The following PAN3 variants were observed in gnomAD, a reference collection of about 807,000 sequenced individuals.
PAN3 encodes the protein poly(A) specific ribonuclease subunit PAN3.
PAN3 carries 19 observed loss-of-function variants against 96.2 expected under a neutral mutation model. The ratio of observed to expected loss-of-function variants is 0.20; its 90% CI spans 0.14 to 0.29. PAN3 has a LOEUF of 0.29. Ranked by LOEUF, PAN3 falls within the 10% of genes least tolerant of loss-of-function variation. The pLI is 1.00. For missense variants in PAN3, 882 were observed against 1,108.1 expected, an observed-to-expected ratio of 0.80 and a Z score of 2.90; for synonymous variants, 433 against 406.6, an observed-to-expected ratio of 1.06 and a Z score of -0.78.
At chr13:28,262,386 C>A (rs1885814254) in intron 9 of PAN3, among the ~76,000 whole-genome samples, 1 of 152,142 alleles carries the variant, frequency 6.6e-6, no homozygotes, top group African/African-American at 2.4e-5. Flanking sequence ...CCATAAAGAT[C>A]TCAAAATGCC....
chr13:28,286,714 T>G (rs139490009), intron 17 of PAN3, among the ~76,000 whole-genome samples: 2 of 152,320 alleles, frequency 1.3e-5, no homozygotes, highest in African/African-American at 4.8e-5. Flanking sequence ...TTTATACCCT[T>G]TTTTAGGTAT....
chr13:28,230,380 T>C (rs1593520322), intron 6 of PAN3, among the ~76,000 whole-genome samples: 1 of 152,080 alleles, frequency 6.6e-6, no homozygotes, highest in Non-Finnish European at 1.5e-5. Flanking sequence ...ACTGTGGCTG[T>C]TTAAAATATA....
chr13:28,139,003 A>G lies in PAN3; in HGVS notation c.346A>G (p.Lys116Glu). ...AGCTGGGCCGCCCCCCGGGCCCAAG[A>G]AGCCGGACCTGGGGGACCCGGGGAC... ...GGAGPPPGPK[K>E]PDLGDPGTGA... is the part of the protein sequence containing the mutation. Residue 116 changes from lysine to glutamate, a missense_variant, in exon 1 of 19, where the codon AAG becomes GAG. Lys to Glu is a moderately conservative substitution (Grantham distance 56, BLOSUM62 1). Around this residue, in one of 3 missense-constraint regions of PAN3, gnomAD observed 442 missense variants for 422.8 expected, o/e 1.05. Coordinates refer to ENST00000380958, the MANE Select transcript of PAN3 (RefSeq NM_175854.8). 1 of 1,273,118 alleles carries G rather than the reference A, an allele frequency of 7.9e-7. No individual in the cohort carries two copies. The allele number at this position is 1,273,118 out of a possible 1,614,324, so 78.9% of individuals were successfully genotyped here.
intron 1 of PAN3, among the ~76,000 whole-genome samples, chr13:28,143,908 A>C (rs546501757): frequency 3.9e-5 from 6 of 152,336 alleles, no homozygotes; most frequent in Admixed American, 2.0e-4. Flanking sequence ...AGCCAAGACT[A>C]GCCTTTTCAT....
In PAN3 at chr13:28,292,559, C is replaced by T; in HGVS notation, c.*37C>T. ...AAAGCACGCAGGACATGGCTAAAGA[C>T]CTTAACCAATAGCAAATTGCACTAC... On this transcript the variant is annotated 3_prime_UTR_variant, in exon 19 of 19. Transcript: ENST00000380958. 14 of 1,564,636 alleles carry T rather than the reference C, an allele frequency of 8.9e-6. No homozygotes were observed. The highest frequency in any genetic ancestry group is 1.2e-5 in the Non-Finnish European group (14 of 1,156,754).
intron 6 of PAN3, among the ~76,000 whole-genome samples, chr13:28,220,895 T>C (rs527519625): frequency 6.6e-6 from 1 of 152,310 alleles, no homozygotes; most frequent in East Asian, 1.9e-4. Context: ...GAAAAAAATA[T>C]ACTACATGAG....
At chr13:28,152,301 A>G (rs796447473) in intron 1 of PAN3, among the ~76,000 whole-genome samples, 1 of 152,142 alleles carries the variant, frequency 6.6e-6, no homozygotes, top group Non-Finnish European at 1.5e-5. Flanking sequence ...TTGAAGTCAG[A>G]GGCTGGGCCC....
intron 5 of PAN3, chr13:28,215,078 A>G: frequency 2.2e-6 from 2 of 929,992 alleles, no homozygotes; most frequent in Non-Finnish European, 3.5e-6. Flanking sequence ...CTGACACAGT[A>G]GCATTTGTGC....
At chr13:28,277,153 TTTC>T in intron 14 of PAN3, 81 bp from the exon 15 acceptor site, 1 of 1,336,230 alleles carries the variant, frequency 7.5e-7, no homozygotes, top group Admixed American at 2.4e-5. Context: ...AATGATGCTT[TTTC>T]CATTTAGGCA....
rs567131836 is a variant in PAN3, at chr13:28,267,001, G to A, written c.1574-94G>A. On this transcript the variant is annotated intron_variant, in intron 10 of 18. Coordinates refer to ENST00000380958, the MANE Select transcript of PAN3 (RefSeq NM_175854.8). Reference sequence around the variant, plus strand: ...TTATTTGGAAATTAGTACCTCATGAGCAATGTATAAATATGGCAATTTTTT... The same window carrying A: ...TTATTTGGAAATTAGTACCTCATGAACAATGTATAAATATGGCAATTTTTT... The A allele has an allele frequency of 1.1e-5, 15 of 1,328,720 alleles. No individual in the cohort carries two copies. In the African/African-American group the frequency reaches 1.2e-4, roughly 10 times the overall value. The allele number at this position is 1,328,720 out of a possible 1,614,324, so 82.3% of individuals were successfully genotyped here.
At chr13:28,211,293 CTT>C (rs1396930366) in intron 5 of PAN3, among the ~76,000 whole-genome samples, 3 of 152,160 alleles carry the variant, frequency 2.0e-5, no homozygotes, top group East Asian at 3.9e-4. Flanking sequence ...AGTACCCTCT[CTT>C]CTGCTTTTCC....
intron 5 of PAN3, among the ~76,000 whole-genome samples, chr13:28,203,613 T>C (rs973085119): frequency 2.0e-4 from 30 of 152,018 alleles, no homozygotes; most frequent in Non-Finnish European, 3.1e-4. Context: ...TGGGTCTGGC[T>C]TTTCTGTATT....
At chr13:28,253,894 G>GAT (rs1383268045) in intron 6 of PAN3, among the ~76,000 whole-genome samples, 1 of 152,124 alleles carries the variant, frequency 6.6e-6, no homozygotes, top group African/African-American at 2.4e-5. Flanking sequence ...GAGAACTCTT[G>GAT]ATACCCTATA....
At chr13:28,152,411 G>A (rs1442378103) in intron 1 of PAN3, among the ~76,000 whole-genome samples, 2 of 151,834 alleles carry the variant, frequency 1.3e-5, no homozygotes, top group Admixed American at 6.6e-5. Flanking sequence ...TGGTGAAACC[G>A]TGTCTCTACT....
At chr13:28,223,391 T>G (rs1459829204) in intron 6 of PAN3, among the ~76,000 whole-genome samples, 1 of 152,122 alleles carries the variant, frequency 6.6e-6, no homozygotes, top group Non-Finnish European at 1.5e-5. Context: ...TTTTGTGAAG[T>G]TAGTTGTTTT....
Position 28,233,918 on chromosome 13 carries a change from G to C in PAN3, c.1000+13540G>C, listed in dbSNP as rs76146740. ...GTTAATCTTTTAAAAATTAACCAAA[G>C]ATGTGTATCAGCATTTCCCAAGGTG... On this transcript the variant is annotated intron_variant, in intron 6 of 18. Coordinates refer to ENST00000380958, the MANE Select transcript of PAN3 (RefSeq NM_175854.8). Among the ~76,000 whole-genome samples the C allele has an allele frequency of 9.8e-3, 1,497 of 152,256 alleles. 18 individuals are homozygous for C. Among genetic ancestry groups the C allele is most frequent in the African/African-American group, 0.034 (1,430 of 41,554 alleles).
At chr13:28,262,371 A>G (rs1349094633) in intron 9 of PAN3, among the ~76,000 whole-genome samples, 4 of 152,216 alleles carry the variant, frequency 2.6e-5, no homozygotes, top group African/African-American at 9.6e-5. Flanking sequence ...GTAGGAATAC[A>G]TTTGCCATAA....
chr13:28,186,311 T>TA (rs1483723409), intron 4 of PAN3, among the ~76,000 whole-genome samples: 2 of 152,230 alleles, frequency 1.3e-5, no homozygotes, highest in African/African-American at 4.8e-5. Context: ...TATGAGATGT[T>TA]ATAGTTAAGA....
chr13:28,259,400 G>T (rs1472556676), intron 7 of PAN3, among the ~76,000 whole-genome samples: 4 of 151,690 alleles, frequency 2.6e-5, no homozygotes, highest in Non-Finnish European at 5.9e-5. Flanking sequence ...TCCACCTCCG[G>T]GTTCAAATGA....
Sources: gnomAD v4.1 joint callset for allele counts (sites outside exome capture counted in the v4.1 genomes callset) on GRCh38, gnomAD v4.1.1 for gene constraint, gnomAD v4.1.1 regional missense constraint, MANE v1.5 for transcripts, NCBI Gene and HGNC (gene_info 2026-07-23, HGNC 2026-07-21) for gene names.